The following MED27 variants were observed in gnomAD, a reference collection of about 807,000 sequenced individuals.
MED27 encodes mediator complex subunit 27, also known as mediator of RNA polymerase II transcription subunit 27.
MED27 carries 30 observed loss-of-function variants against 38.2 expected under a neutral mutation model. That is an observed-to-expected ratio of 0.79 (90% CI 0.59 to 1.07). The LOEUF (loss-of-function observed/expected upper bound fraction) is 1.07. MED27 is among the 50% of genes least tolerant of loss of function. The pLI, the probability that MED27 is intolerant of heterozygous loss-of-function variation, is 0.00. For missense variants in MED27, 289 were observed against 397.5 expected (o/e 0.73, Z 2.32); for synonymous variants, 122 against 153.5 (o/e 0.79, Z 1.52).
In MED27 at chr9:132,045,697, T is replaced by C. The variant is rs537253074; in HGVS notation, c.349-31230A>G. Reference sequence around the variant, plus strand: ...CTGCATGTCAGTATTTATTCTCCACTACGTTTTGAGTTACGGAACTCCAGT... The same window carrying C: ...CTGCATGTCAGTATTTATTCTCCACCACGTTTTGAGTTACGGAACTCCAGT... On this transcript the variant is annotated intron_variant, in intron 2 of 7. Transcript: ENST00000292035. Among the ~76,000 whole-genome samples, 5 of 152,330 alleles carry C rather than the reference T, an allele frequency of 3.3e-5. No homozygotes were observed. In the East Asian group the frequency reaches 9.6e-4, roughly 29 times the overall value.
intron 6 of MED27, among the ~76,000 whole-genome samples, chr9:131,875,143 G>A (rs1467415976): frequency 1.3e-5 from 2 of 152,118 alleles, no homozygotes; most frequent in Non-Finnish European, 2.9e-5. Flanking sequence ...CACTGGTTGC[G>A]CCACTGGCCC....
intron 3 of MED27, among the ~76,000 whole-genome samples, chr9:132,010,546 G>A (rs938839924): frequency 1.3e-5 from 2 of 152,170 alleles, no homozygotes; most frequent in African/African-American, 4.8e-5. Flanking sequence ...ATACCCAAAG[G>A]ATTATAAGTC....
At chr9:132,025,549 T>C (rs1042372969) in intron 2 of MED27, among the ~76,000 whole-genome samples, 7 of 152,326 alleles carry the variant, frequency 4.6e-5, no homozygotes, top group African/African-American at 1.7e-4. Flanking sequence ...TTAATCTAAT[T>C]AAGAATGTGG....
At chr9:132,056,785 A>G (rs1833587598) in intron 2 of MED27, among the ~76,000 whole-genome samples, 1 of 152,164 alleles carries the variant, frequency 6.6e-6, no homozygotes, top group Non-Finnish European at 1.5e-5. Context: ...AGAACTGTAC[A>G]CCCCAACTCC....
At chr9:131,888,455 C>T (rs925358943) in intron 5 of MED27, among the ~76,000 whole-genome samples, 6 of 152,238 alleles carry the variant, frequency 3.9e-5, no homozygotes, top group Non-Finnish European at 5.9e-5. Flanking sequence ...CCTAAGCTGT[C>T]ACTTGCGCAG....
intron 2 of MED27, among the ~76,000 whole-genome samples, chr9:132,074,647 T>C (rs549222840): frequency 3.3e-5 from 5 of 152,382 alleles, no homozygotes; most frequent in Non-Finnish European, 5.9e-5. Context: ...GCTTCTTCCA[T>C]GTTCCCAGCT....
At position 131,886,337 on chromosome 9, in the gene MED27, C is replaced by G. The variant is rs867091157; in HGVS notation, c.682-2238G>C. ...CCGCAGGAGAGGAACTCCATGAGTT[C>G]AGCTCATCGAACTCCATGACAAATC... On this transcript the variant is annotated intron_variant, in intron 5 of 7. Coordinates refer to ENST00000292035, the MANE Select transcript of MED27 (RefSeq NM_004269.4). 3.3e-5 allele frequency among the ~76,000 whole-genome samples: 5 copies of G among 152,328 alleles called. No homozygotes were observed. The South Asian group carries it at 8.3e-4, about 25-fold the overall frequency.
intron 6 of MED27, among the ~76,000 whole-genome samples, chr9:131,871,431 TCAGCAG>T (rs1838831864): frequency 6.6e-6 from 1 of 152,228 alleles, no homozygotes; most frequent in Middle Eastern, 3.2e-3. Flanking sequence ...ACTATTGTCC[TCAGCAG>T]TTTCCTCTTT....
At chr9:131,911,299 G>C (rs1043240498) in intron 4 of MED27, among the ~76,000 whole-genome samples, 2 of 152,184 alleles carry the variant, frequency 1.3e-5, no homozygotes, top group Non-Finnish European at 2.9e-5. Context: ...CACTAAGATA[G>C]GTATTGACAC....
rs527935582 is a variant in MED27, at chr9:131,889,018, G to A, written c.681+4867C>T. 1.6e-4 allele frequency among the ~76,000 whole-genome samples: 24 copies of A among 152,284 alleles called. No individual in the cohort carries two copies. The highest frequency in any genetic ancestry group is 5.8e-4 in the African/African-American group (24 of 41,570). ...CTGGCTTTCACCCTTCCCCCTAGAAGTAACAAGAGGCCATTTTTCTGAAGG... is the reference window on the plus strand; with the variant it reads ...CTGGCTTTCACCCTTCCCCCTAGAAATAACAAGAGGCCATTTTTCTGAAGG... On this transcript the variant is annotated intron_variant, in intron 5 of 7. Transcript: ENST00000292035. This position sits in a 1 kb window ranked among gnomAD's most constrained non-coding sequence, Gnocchi z 4.2.
chr9:132,053,451 CA>C (rs56143561), intron 2 of MED27, among the ~76,000 whole-genome samples: 20 of 143,322 alleles, frequency 1.4e-4, no homozygotes, highest in Non-Finnish European at 1.2e-4. Flanking sequence ...CCTCTTGTAA[CA>C]AAAAAAAAAG....
chr9:131,921,571 T>C (rs1830392713), intron 4 of MED27, among the ~76,000 whole-genome samples: 1 of 152,230 alleles, frequency 6.6e-6, no homozygotes, highest in Non-Finnish European at 1.5e-5. Context: ...TTTTACACTG[T>C]TGGTGGGACT....
At chr9:132,052,084 G>T (rs1250960643) in intron 2 of MED27, among the ~76,000 whole-genome samples, 1 of 152,174 alleles carries the variant, frequency 6.6e-6, no homozygotes, top group Non-Finnish European at 1.5e-5. Context: ...CAGCGGCATA[G>T]CTCTGACAAT....
chr9:132,057,661 A>T (rs77536816), intron 2 of MED27, among the ~76,000 whole-genome samples: 1 of 152,332 alleles, frequency 6.6e-6, no homozygotes, highest in East Asian at 1.9e-4. Flanking sequence ...ACACTCACCG[A>T]GGGAGTGACT....
intron 3 of MED27, among the ~76,000 whole-genome samples, chr9:131,953,906 C>T (rs1335427579): frequency 1.1e-4 from 16 of 151,318 alleles, no homozygotes; most frequent in African/African-American, 3.9e-4. Context: ...CAACCTCTGC[C>T]TCCCGGGTTC....
chr9:131,969,758 A>C (rs572891215), intron 3 of MED27, among the ~76,000 whole-genome samples: 1 of 152,352 alleles, frequency 6.6e-6, no homozygotes, highest in African/African-American at 2.4e-5. Context: ...GGAGGTGGTC[A>C]GGAAGGCCCT....
At chr9:131,886,234 T>C (rs1839137794) in intron 5 of MED27, among the ~76,000 whole-genome samples, 1 of 152,192 alleles carries the variant, frequency 6.6e-6, no homozygotes, top group Non-Finnish European at 1.5e-5. Context: ...ATTAGTTTCA[T>C]GAAAATTTCA....
At chr9:132,020,357 C>CA (rs1291525562) in intron 2 of MED27, among the ~76,000 whole-genome samples, 1 of 152,112 alleles carries the variant, frequency 6.6e-6, no homozygotes, top group Non-Finnish European at 1.5e-5. Context: ...CAGAACACAC[C>CA]AAAGCCCACA....
intron 4 of MED27, among the ~76,000 whole-genome samples, chr9:131,906,666 G>A (rs1445712017): frequency 6.6e-6 from 1 of 152,230 alleles, no homozygotes; most frequent in Non-Finnish European, 1.5e-5. Flanking sequence ...GGGAATGATG[G>A]TGTTACTGAA....
Sources: allele counts gnomAD v4.1 joint callset (sites outside exome capture counted in the v4.1 genomes callset), GRCh38; gene constraint gnomAD v4.1.1; non-coding constraint Gnocchi (gnomAD v3.1); transcripts MANE v1.5; gene names NCBI Gene and HGNC (gene_info 2026-07-23, HGNC 2026-07-21).